The following PTBP3 variants were observed in gnomAD, a reference collection of about 807,000 sequenced individuals.
PTBP3 encodes polypyrimidine tract binding protein 3.
A neutral mutation model predicts 58.7 loss-of-function variants in PTBP3; 20 were observed. The ratio of observed to expected loss-of-function variants is 0.34; its 90% CI spans 0.24 to 0.50. The LOEUF is 0.50. Ranked by LOEUF, PTBP3 falls within the 20% of genes least tolerant of loss-of-function variation. PTBP3 has a pLI of 0.98. For missense variants in PTBP3, 509 were observed against 637.2 expected (o/e 0.80, Z 2.17); for synonymous variants, 185 against 219.8 (o/e 0.84, Z 1.40).
intron 1 of PTBP3, among the ~76,000 whole-genome samples, chr9:112,308,153 G>C (rs1046926264): frequency 6.6e-6 from 1 of 152,104 alleles, no homozygotes; most frequent in Non-Finnish European, 1.5e-5. Flanking sequence ...GGTCTCCTGT[G>C]TAGCTAGGAC....
intron 7 of PTBP3, among the ~76,000 whole-genome samples, chr9:112,235,637 G>A (rs1835409432): frequency 6.6e-6 from 1 of 152,076 alleles, no homozygotes; most frequent in Non-Finnish European, 1.5e-5. Context: ...AAAAAGAAAT[G>A]GCCAAAAGTG....
intron 7 of PTBP3, among the ~76,000 whole-genome samples, chr9:112,238,833 A>T (rs1469557158): frequency 2.0e-5 from 3 of 152,158 alleles, no homozygotes; most frequent in Admixed American, 1.3e-4. Flanking sequence ...AAAATTGATT[A>T]AAAAAAGAAA....
At chr9:112,298,565 G>T (rs1411243150) in intron 1 of PTBP3, 2 of 508,114 alleles carry the variant, frequency 3.9e-6, no homozygotes, top group Non-Finnish European at 3.9e-6. Flanking sequence ...TTACTTTCAG[G>T]AAGGACAATA....
chr9:112,297,810 T>C, intron 2 of PTBP3, 22 bp downstream of exon 2: 2 of 1,169,366 alleles, frequency 1.7e-6, no homozygotes, highest in Non-Finnish European at 1.2e-6. Context: ...AATCAAATAT[T>C]AAAAAAAAAA....
chr9:112,249,784 T>C (rs1208690977), intron 7 of PTBP3, among the ~76,000 whole-genome samples: 1 of 151,770 alleles, frequency 6.6e-6, no homozygotes, highest in Non-Finnish European at 1.5e-5. Context: ...ATTCTTAAAT[T>C]TGATAGCTGA....
chr9:112,328,804 T>C lies in PTBP3; in HGVS notation c.-52+4666A>G, dbSNP rs72755654. 6.8e-3 allele frequency among the ~76,000 whole-genome samples: 1,035 copies of C among 152,214 alleles called. 1 individual carries two copies. Among genetic ancestry groups the C allele is most frequent in the Non-Finnish European group, 0.011 (749 of 68,018 alleles). ...TTAAAAACAAACAAAAAACCATGAATGAACACCACTGTCAGGTCCAACAAA... is the reference window on the plus strand; with the variant it reads ...TTAAAAACAAACAAAAAACCATGAACGAACACCACTGTCAGGTCCAACAAA... On this transcript the variant is annotated intron_variant, in intron 1 of 13. Coordinates refer to ENST00000374257, the MANE Select transcript of PTBP3 (RefSeq NM_001163788.4).
intron 3 of PTBP3, among the ~76,000 whole-genome samples, chr9:112,275,454 A>T (rs758359327): frequency 2.6e-5 from 4 of 152,294 alleles, no homozygotes; most frequent in Middle Eastern, 6.8e-3. Flanking sequence ...ATACATTTTT[A>T]TCTAGATTTT....
chr9:112,281,299 A>G (rs1827853459), intron 2 of PTBP3: 1 of 176,984 alleles, frequency 5.7e-6, no homozygotes, highest in South Asian at 1.4e-4. Context: ...TATTGCTTAC[A>G]ATACTTTTCC....
At position 112,220,291 on chromosome 9, in the gene PTBP3, C is replaced by A. The variant is rs759409115; in HGVS notation, c.*3560G>T. 1.1e-5 allele frequency: 14 copies of A among 1,320,032 alleles called. No homozygotes were observed. Among genetic ancestry groups the A allele is most frequent in the East Asian group, 4.9e-5 (1 of 20,524 alleles). The allele number at this position is 1,320,032 out of a possible 1,614,324, so 81.8% of individuals were successfully genotyped here. A position where few individuals can be genotyped will look rare whatever the true frequency, so the allele number is the denominator to read the frequency against. ...ACACTGAAAAGAACAGAGAGCCAGG[C>A]GTGGTGGCTCATGCCTGTAATCCCA... On this transcript the variant is annotated 3_prime_UTR_variant, in exon 14 of 14. Coordinates refer to ENST00000374257, the MANE Select transcript of PTBP3 (RefSeq NM_001163788.4).
the PTBP3 span, among the ~76,000 whole-genome samples, chr9:112,356,073 CTT>C: frequency 5.4e-5 from 8 of 149,400 alleles, no homozygotes; most frequent in Admixed American, 1.4e-4. Context: ...CTCTCTCTCT[CTT>C]AGATGGATTC....
the PTBP3 span, among the ~76,000 whole-genome samples, chr9:112,359,216 G>A: frequency 1.3e-5 from 2 of 151,754 alleles, no homozygotes; most frequent in South Asian, 2.1e-4. Context: ...CGAGGTGAGC[G>A]GATCACCTGA....
intron 6 of PTBP3, among the ~76,000 whole-genome samples, chr9:112,252,064 G>A (rs917215334): frequency 3.3e-5 from 5 of 151,704 alleles, no homozygotes; most frequent in Non-Finnish European, 7.4e-5. Flanking sequence ...TAAGATAATC[G>A]AACTGAATGT....
chr9:112,344,213 A>G, the PTBP3 span, among the ~76,000 whole-genome samples: 1 of 152,214 alleles, frequency 6.6e-6, no homozygotes, highest in Non-Finnish European at 1.5e-5. Flanking sequence ...AAACAGAAAT[A>G]AAATATATAT....
intron 7 of PTBP3, among the ~76,000 whole-genome samples, chr9:112,239,869 G>T (rs949263423): frequency 1.7e-5 from 2 of 116,274 alleles, no homozygotes; most frequent in African/African-American, 6.8e-5. Context: ...GAGGGAGGGA[G>T]GGAGGGAGGG....
chr9:112,267,330 T>C (rs1836845028), intron 4 of PTBP3, among the ~76,000 whole-genome samples: 1 of 152,130 alleles, frequency 6.6e-6, no homozygotes, highest in Admixed American at 6.5e-5. Flanking sequence ...CACGCCCGGC[T>C]AATTTTTTTT....
chr9:112,247,515 T>C (rs1162501365), intron 7 of PTBP3, among the ~76,000 whole-genome samples: 3 of 150,172 alleles, frequency 2.0e-5, no homozygotes, highest in Admixed American at 1.3e-4. Context: ...ACTAGCCTGG[T>C]TGAAACAACA....
chr9:112,352,856 A>T, the PTBP3 span, among the ~76,000 whole-genome samples: 404 of 150,986 alleles, frequency 2.7e-3, 1 homozygote, highest in African/African-American at 9.4e-3. Flanking sequence ...ATTTTCCTAG[A>T]CTGCCATCTT....
intron 1 of PTBP3, among the ~76,000 whole-genome samples, chr9:112,312,861 T>C (rs1220044355): frequency 6.6e-6 from 1 of 151,798 alleles, no homozygotes; most frequent in Non-Finnish European, 1.5e-5. Context: ...CCAGGCAACA[T>C]GGCGAAACCC....
chr9:112,231,484 G>T, intron 9 of PTBP3, 71 bp from the exon 10 acceptor site: 1 of 1,229,224 alleles, frequency 8.1e-7, no homozygotes, highest in Middle Eastern at 2.5e-4. Context: ...TATTTATACT[G>T]TAATGGCAGT....
Sources: allele counts gnomAD v4.1 joint callset (sites outside exome capture counted in the v4.1 genomes callset), GRCh38; gene constraint gnomAD v4.1.1; transcripts MANE v1.5; gene names NCBI Gene and HGNC (gene_info 2026-07-23, HGNC 2026-07-21).